The following NXPH2 variants were observed in gnomAD, a reference collection of about 807,000 sequenced individuals.
NXPH2 encodes the protein neurexophilin 2.
A neutral mutation model predicts 19.8 loss-of-function variants in NXPH2; 5 were observed. The observed-to-expected ratio is 0.25, with a 90% CI of 0.13 to 0.53. NXPH2 has a LOEUF of 0.53. Among genes scored for constraint, NXPH2 ranks in the 20% least tolerant of loss-of-function variants. The probability of loss-of-function intolerance (pLI) is 0.96; values close to 1 mark genes in which losing one functional copy is unlikely to be tolerated. For synonymous variants in NXPH2, 154 were observed against 127.4 expected (o/e 1.21, Z -1.41); for missense variants, 289 against 322.8 (o/e 0.90, Z 0.80).
At chr2:138,745,979 T>C (rs1681726983) in intron 1 of NXPH2, among the ~76,000 whole-genome samples, 1 of 152,140 alleles carries the variant, frequency 6.6e-6, no homozygotes, top group African/African-American at 2.4e-5. Context: ...ATGGTCAAAA[T>C]AGCCATCCAC....
intron 1 of NXPH2, among the ~76,000 whole-genome samples, chr2:138,774,937 T>C (rs1010732025): frequency 5.3e-5 from 8 of 152,234 alleles, no homozygotes; most frequent in Admixed American, 3.9e-4. Flanking sequence ...GATAATTGTG[T>C]GAAAGAAACT....
chr2:138,714,846 A>G (rs1458611661), intron 1 of NXPH2, among the ~76,000 whole-genome samples: 3 of 152,250 alleles, frequency 2.0e-5, no homozygotes, highest in Non-Finnish European at 2.9e-5. Context: ...GTCAAATAAT[A>G]TAACATATAA....
intron 1 of NXPH2, among the ~76,000 whole-genome samples, chr2:138,691,402 A>G (rs1329943831): frequency 6.6e-6 from 1 of 152,174 alleles, no homozygotes; most frequent in Non-Finnish European, 1.5e-5. Context: ...TACATCTTCT[A>G]TCATGCACAG....
At chr2:138,736,746 T>C (rs1681545053) in intron 1 of NXPH2, among the ~76,000 whole-genome samples, 1 of 152,240 alleles carries the variant, frequency 6.6e-6, no homozygotes, top group Non-Finnish European at 1.5e-5. Context: ...TTCCAAACTT[T>C]TATGCTATTT....
At chr2:138,691,377 A>G (rs1418219556) in intron 1 of NXPH2, among the ~76,000 whole-genome samples, 3 of 152,202 alleles carry the variant, frequency 2.0e-5, no homozygotes. Flanking sequence ...GCATCTGAAA[A>G]TGACTGATGA....
intron 1 of NXPH2, among the ~76,000 whole-genome samples, chr2:138,711,937 C>G (rs111881051): frequency 1.4e-3 from 212 of 152,326 alleles, no homozygotes; most frequent in African/African-American, 4.9e-3. Flanking sequence ...TGTTTAGTTT[C>G]ATCTAAAGAG....
intron 1 of NXPH2, among the ~76,000 whole-genome samples, chr2:138,705,295 C>T (rs904955316): frequency 2.6e-5 from 4 of 152,062 alleles, no homozygotes; most frequent in East Asian, 1.9e-4. Context: ...CATTAAGATC[C>T]TTTTTTTCCT....
chr2:138,683,594 T>C (rs1255461417), intron 1 of NXPH2, among the ~76,000 whole-genome samples: 1 of 152,216 alleles, frequency 6.6e-6, no homozygotes, highest in African/African-American at 2.4e-5. Flanking sequence ...TCAGGTACCA[T>C]TAATTTGGCA....
At chr2:138,756,951 G>C (rs1330522982) in intron 1 of NXPH2, among the ~76,000 whole-genome samples, 1 of 152,100 alleles carries the variant, frequency 6.6e-6, no homozygotes, top group African/African-American at 2.4e-5. Flanking sequence ...TCTAAGCAAA[G>C]TAACATAACA....
At chr2:138,760,329 C>T (rs1300133883) in intron 1 of NXPH2, among the ~76,000 whole-genome samples, 1 of 152,170 alleles carries the variant, frequency 6.6e-6, no homozygotes, top group East Asian at 1.9e-4. Context: ...CCATGCTCAA[C>T]ATCTGCTTAA....
intron 1 of NXPH2, among the ~76,000 whole-genome samples, chr2:138,731,719 G>A (rs986143523): frequency 6.6e-6 from 1 of 151,988 alleles, no homozygotes; most frequent in African/African-American, 2.4e-5. Flanking sequence ...TCCAAAGACA[G>A]GACTGGAGAC....
At chr2:138,737,313 A>G (rs928560354) in intron 1 of NXPH2, among the ~76,000 whole-genome samples, 31 of 152,284 alleles carry the variant, frequency 2.0e-4, no homozygotes, top group African/African-American at 7.2e-4. Flanking sequence ...GGCAAGGAGG[A>G]GCAAGTCACA....
At chr2:138,703,836 C>A (rs1040960424) in intron 1 of NXPH2, among the ~76,000 whole-genome samples, 18 of 152,204 alleles carry the variant, frequency 1.2e-4, no homozygotes, top group African/African-American at 3.6e-4. Flanking sequence ...GAGAACCCAT[C>A]ATGTGTCTAC....
chr2:138,704,574 A>C (rs1036472930), intron 1 of NXPH2, among the ~76,000 whole-genome samples: 2 of 152,172 alleles, frequency 1.3e-5, no homozygotes, highest in Non-Finnish European at 2.9e-5. Context: ...TTAAATCAGA[A>C]GGAGGGGAAC....
At chr2:138,739,147 T>C (rs191011333) in intron 1 of NXPH2, among the ~76,000 whole-genome samples, 30 of 152,208 alleles carry the variant, frequency 2.0e-4, no homozygotes, top group Non-Finnish European at 2.9e-4. Flanking sequence ...AAGTATTGCA[T>C]CAATAATAAA....
intron 1 of NXPH2, among the ~76,000 whole-genome samples, chr2:138,741,552 C>A (rs751305248): frequency 6.6e-6 from 1 of 152,104 alleles, no homozygotes; most frequent in Non-Finnish European, 1.5e-5. Context: ...CAAGCTGATA[C>A]CTCATTTAGG....
intron 1 of NXPH2, among the ~76,000 whole-genome samples, chr2:138,688,537 A>G (rs1038991521): frequency 3.3e-5 from 5 of 152,276 alleles, no homozygotes; most frequent in Admixed American, 1.3e-4. Flanking sequence ...AGCAGTGGTT[A>G]CAAACTCAGC....
chr2:138,675,018 T>G (rs1228268104), intron 1 of NXPH2, among the ~76,000 whole-genome samples: 1 of 152,228 alleles, frequency 6.6e-6, no homozygotes, highest in Non-Finnish European at 1.5e-5. Context: ...CTTCTCCTGT[T>G]TCATGGGATA....
At chr2:138,671,852 C>T (rs1225646064) in intron 1 of NXPH2, among the ~76,000 whole-genome samples, 187 bp from the exon 2 acceptor site, 1 of 152,022 alleles carries the variant, frequency 6.6e-6, no homozygotes, top group Non-Finnish European at 1.5e-5. Context: ...TGGAAAACTG[C>T]GAGTATGAAA....
Sources: allele counts gnomAD v4.1 joint callset (sites outside exome capture counted in the v4.1 genomes callset), GRCh38; gene constraint gnomAD v4.1.1; transcripts MANE v1.5; gene names NCBI Gene and HGNC (gene_info 2026-07-23, HGNC 2026-07-21).